Variants in YTHDC2 observed in about 807,000 individuals in gnomAD.
YTHDC2 encodes the protein 3'-5' RNA helicase YTHDC2.
YTHDC2 carries 45 observed loss-of-function variants against 174.9 expected under a neutral mutation model. The ratio of observed to expected loss-of-function variants is 0.26; its 90% CI spans 0.20 to 0.33. YTHDC2 has a LOEUF of 0.33. Among genes scored for constraint, YTHDC2 ranks in the 10% least tolerant of loss-of-function variants. The probability of loss-of-function intolerance (pLI) is 1.00; values close to 1 mark genes in which losing one functional copy is unlikely to be tolerated. For missense variants in YTHDC2, 1,650 were observed against 1,723.7 expected, an observed-to-expected ratio of 0.96 and a Z score of 0.76; for synonymous variants, 657 against 574.5, an observed-to-expected ratio of 1.14 and a Z score of -2.05.
Position 113,514,004 on chromosome 5 carries a change from A to G in YTHDC2, c.109A>G (p.Lys37Glu). 6.2e-7 allele frequency: 1 copy of G among 1,609,084 alleles called. No homozygotes were observed. The highest frequency in any genetic ancestry group is 8.5e-7 in the Non-Finnish European group (1 of 1,178,226). The change falls in exon 1 of 30, where the codon AAG becomes GAG. Residue 37 changes from lysine (K) to glutamate (E), a missense_variant. Physicochemically the swap from Lys to Glu is moderately conservative, Grantham distance 56 (BLOSUM62 1). Transcript: ENST00000161863. ...PGGGGRAKGL[K>E]DIRIDEEVKI... ...GGGCGGCGGCCGGGCCAAGGGGCTG[A>G]AGGACATTCGCATTGATGAGGAGGT...
chr5:113,518,883 A>T (rs976804062), intron 2 of YTHDC2, among the ~76,000 whole-genome samples: 1 of 150,526 alleles, frequency 6.6e-6, no homozygotes, highest in African/African-American at 2.4e-5. Flanking sequence ...ACCTGCTTTG[A>T]TTATTTTTAT....
rs781606388 is a variant in YTHDC2, at chr5:113,553,246, G to T, written c.1754G>T (p.Ser585Ile). 2 of 1,599,658 alleles carry T rather than the reference G, an allele frequency of 1.3e-6. No individual in the cohort carries two copies. The highest frequency in any genetic ancestry group is 2.3e-5 in the East Asian group (1 of 44,184). The change falls in exon 13 of 30, where the codon AGT (serine) becomes ATT (isoleucine). Residue 585 changes from serine (S) to isoleucine (I), a missense_variant. Ser to Ile is a moderately radical substitution (Grantham distance 142). Transcript: ENST00000161863. ...GTTCAAACAAATGGAAGTGACCTCAGTGCTGAAGACAGAGAGCTCCTGAAA... is the reference window on the plus strand; with the variant it reads ...GTTCAAACAAATGGAAGTGACCTCATTGCTGAAGACAGAGAGCTCCTGAAA... ...SLVQTNGSDL[S>I]AEDRELLKAY...
At chr5:113,578,763 TG>T (rs1778219908) in intron 23 of YTHDC2, among the ~76,000 whole-genome samples, 1 of 152,130 alleles carries the variant, frequency 6.6e-6, no homozygotes, top group African/African-American at 2.4e-5. Context: ...TTGAGAGACT[TG>T]GTATTCTGGA....
chr5:113,572,055 G>A (rs1184873834), intron 23 of YTHDC2, among the ~76,000 whole-genome samples: 3 of 152,074 alleles, frequency 2.0e-5, no homozygotes, highest in Non-Finnish European at 4.4e-5. Context: ...TTTAAATTGA[G>A]ATGTTAGGTG....
At chr5:113,543,619 C>T (rs2112629720) in intron 10 of YTHDC2, among the ~76,000 whole-genome samples, 1 of 152,344 alleles carries the variant, frequency 6.6e-6, no homozygotes, top group Admixed American at 6.5e-5. Flanking sequence ...GAAATTGGAT[C>T]ATTCCACTTG....
chr5:113,588,051 TTAGTATATACAAATAC>T (rs1778790221), intron 26 of YTHDC2, among the ~76,000 whole-genome samples: 1 of 152,136 alleles, frequency 6.6e-6, no homozygotes, highest in East Asian at 1.9e-4. Context: ...GTATTCATTG[TTAGTATATACAAATAC>T]ATTTGATATT....
intron 26 of YTHDC2, among the ~76,000 whole-genome samples, chr5:113,589,221 C>G (rs1006197179): frequency 6.6e-6 from 1 of 151,152 alleles, no homozygotes; most frequent in Non-Finnish European, 1.5e-5. Flanking sequence ...CACAGGTCAC[C>G]GATGTTCTCT....
rs770424827 is a variant in YTHDC2 at position 113,584,467 on chromosome 5, A to G, written c.3813A>G (p.Pro1271=). The G allele has an allele frequency of 8.1e-6, 13 of 1,610,842 alleles. No individual in the cohort carries two copies. In the East Asian group the frequency reaches 8.9e-5, roughly 11 times the overall value. Residue 1271 remains proline, a synonymous_variant, in exon 26 of 30, where the codon CCA becomes CCG. Coordinates refer to ENST00000161863, the MANE Select transcript of YTHDC2 (RefSeq NM_022828.5). ...YPSPCASPSP[P]SSGKGSKSPS... ...GTCCTTGTGCTAGTCCTTCTCCTCC[A>G]TCCTCAGGAAAGGTAAGAGTATCTG...
chr5:113,582,923 G>C (rs1049078158), intron 25 of YTHDC2: 1 of 152,058 alleles, frequency 6.6e-6, no homozygotes, highest in Non-Finnish European at 1.5e-5. Context: ...GAGAAAAAGG[G>C]GAAGACTAAG....
chr5:113,561,531 C>T (rs188961760), intron 18 of YTHDC2, among the ~76,000 whole-genome samples: 16 of 150,370 alleles, frequency 1.1e-4, no homozygotes, highest in East Asian at 2.0e-4. Context: ...TGCAGTGGCG[C>T]GATCTCGGCT....
At chr5:113,581,137 C>T in intron 24 of YTHDC2, 1 of 253,754 alleles carries the variant, frequency 3.9e-6, no homozygotes, top group Non-Finnish European at 7.4e-6. Flanking sequence ...TTTTTATTTA[C>T]CCTGCTGCTA....
At chr5:113,524,052 C>A (rs1196793615) in intron 2 of YTHDC2, among the ~76,000 whole-genome samples, 1 of 152,062 alleles carries the variant, frequency 6.6e-6, no homozygotes, top group Non-Finnish European at 1.5e-5. Context: ...TTATCTTAAT[C>A]ATATGAATAA....
At chr5:113,534,778 T>C (rs917805501) in intron 6 of YTHDC2, among the ~76,000 whole-genome samples, 1 of 152,166 alleles carries the variant, frequency 6.6e-6, no homozygotes, top group Non-Finnish European at 1.5e-5. Flanking sequence ...TTCATTAATA[T>C]CATATATTTC....
intron 26 of YTHDC2, among the ~76,000 whole-genome samples, chr5:113,587,517 AATAT>A (rs982134479): frequency 4.4e-5 from 6 of 136,796 alleles, no homozygotes; most frequent in Non-Finnish European, 7.7e-5. Context: ...ATTTATATGT[AATAT>A]ATATTATGTA....
chr5:113,528,246 A>T (rs1310858037), intron 4 of YTHDC2, among the ~76,000 whole-genome samples: 1 of 152,200 alleles, frequency 6.6e-6, no homozygotes, highest in African/African-American at 2.4e-5. Context: ...ATGAAAGGAT[A>T]CTTGTGAATT....
chr5:113,572,732 G>C (rs1315083676), intron 23 of YTHDC2, among the ~76,000 whole-genome samples: 1 of 151,964 alleles, frequency 6.6e-6, no homozygotes, highest in Non-Finnish European at 1.5e-5. Context: ...GCCTTTCTTT[G>C]ATCTTTATGG....
At chr5:113,518,556 C>CGTGTGTGTGTGTGT (rs67062871) in intron 2 of YTHDC2, among the ~76,000 whole-genome samples, 2 of 144,466 alleles carry the variant, frequency 1.4e-5, no homozygotes, top group African/African-American at 5.1e-5. Context: ...AGTTAGTTTT[C>CGTGTGTGTGTGTGT]GTGTGTGTGT....
At chr5:113,553,157 C>CTTTTTTTTTTTTTTTTTTTT (rs34053583) in intron 12 of YTHDC2, 24 bp from the exon 13 acceptor site, 1 of 1,010,572 alleles carries the variant, frequency 9.9e-7, no homozygotes, top group Non-Finnish European at 1.3e-6. Context: ...TTGACTTTGT[C>CTTTTTTTTTTTTTTTTTTTT]TTTTTTTTTT....
chr5:113,565,769 A>G, intron 20 of YTHDC2, 124 bp from the exon 21 acceptor site: 1 of 928,746 alleles, frequency 1.1e-6, no homozygotes, highest in Admixed American at 3.5e-5. Context: ...CTTAGATTTT[A>G]TAGAAAATTA....
Sources: allele counts gnomAD v4.1 joint callset (sites outside exome capture counted in the v4.1 genomes callset), GRCh38; gene constraint gnomAD v4.1.1; transcripts MANE v1.5; gene names NCBI Gene and HGNC (gene_info 2026-07-23, HGNC 2026-07-21).